The following ZNF169 variants were observed in gnomAD, a reference collection of about 807,000 sequenced individuals.
The protein encoded by ZNF169 is zinc finger protein 169.
Under a neutral mutation model 12.0 loss-of-function variants are expected in ZNF169, and 11 were observed. The observed-to-expected ratio is 0.92, with a 90% CI of 0.58 to 1.52. ZNF169 has a LOEUF of 1.52. Ranked by LOEUF, ZNF169 falls within the 40% of genes most tolerant of loss-of-function variation. ZNF169 has a pLI of 0.00. For synonymous variants in ZNF169, 302 were observed against 286.5 expected (o/e 1.05, Z -0.55); for missense variants, 722 against 744.0 (o/e 0.97, Z 0.34).
intron 1 of ZNF169, among the ~76,000 whole-genome samples, chr9:94,273,027 T>G (rs557190423): frequency 3.3e-5 from 5 of 151,520 alleles, no homozygotes; most frequent in African/African-American, 1.2e-4. Context: ...TATATCTTCT[T>G]TAGAGAAATG....
chr9:94,273,874 C>T (rs552690972), intron 1 of ZNF169, among the ~76,000 whole-genome samples: 4 of 152,250 alleles, frequency 2.6e-5, no homozygotes, highest in Middle Eastern at 3.4e-3. Flanking sequence ...CCACTGCGCC[C>T]GGCCAAAAGC....
intron 1 of ZNF169, among the ~76,000 whole-genome samples, chr9:94,264,137 CTT>C (rs1434369061): frequency 1.3e-5 from 2 of 151,622 alleles, no homozygotes; most frequent in Middle Eastern, 3.2e-3. Flanking sequence ...TATAAACAGT[CTT>C]TTATTTTATC....
chr9:94,276,872 A>G (rs1830529715), intron 1 of ZNF169, among the ~76,000 whole-genome samples: 1 of 152,136 alleles, frequency 6.6e-6, no homozygotes, highest in Non-Finnish European at 1.5e-5. Flanking sequence ...TGTTTCCTCC[A>G]TATCCAGAAT....
In ZNF169 at chr9:94,301,140, C is replaced by T. The variant is rs777157079; in HGVS notation, c.1582C>T (p.His528Tyr). 1.7e-5 allele frequency: 27 copies of T among 1,613,964 alleles called. No individual in the cohort carries two copies. The highest frequency in any genetic ancestry group is 2.3e-5 in the Non-Finnish European group (27 of 1,180,032). ...VCGQGLGQKS[H>Y]LISDQRTHSG... ...TGGACAAGGACTTGGCCAGAAGTCA[C>T]ACCTTATCTCTGACCAAAGGACACA... The change falls in exon 5 of 5, where the codon CAC becomes TAC. Residue 528 changes from histidine (H) to tyrosine (Y), a missense_variant. Coordinates refer to ENST00000395395, the MANE Select transcript of ZNF169 (RefSeq NM_194320.4).
Position 94,300,347 on chromosome 9 carries a change from G to A in ZNF169, c.789G>A (p.Leu263=). Residue 263 remains leucine, a synonymous_variant, in exon 5 of 5, where the codon CTG becomes CTA. Coordinates refer to ENST00000395395, the MANE Select transcript of ZNF169 (RefSeq NM_194320.4). ...CACACACCGGGGAGAAGCCATACCT[G>A]TGTCCTGAGTGTGGGCGTCGGTTTA... The part of the protein sequence containing the change: ...QRTHTGEKPY[L]CPECGRRFSQ... The A allele has an allele frequency of 6.2e-7, 1 of 1,614,100 alleles. No homozygotes were observed. The highest frequency in any genetic ancestry group is 2.2e-5 in the East Asian group (1 of 44,880).
At chr9:94,297,305 G>A (rs972324882) in intron 4 of ZNF169, among the ~76,000 whole-genome samples, 2 of 152,082 alleles carry the variant, frequency 1.3e-5, no homozygotes, top group African/African-American at 4.8e-5. Flanking sequence ...ATTTTTGTCG[G>A]CATTGTTTTG....
intron 1 of ZNF169, among the ~76,000 whole-genome samples, chr9:94,272,880 CTGTTTTGTTTTGTTT>C (rs534061540): frequency 1.3e-4 from 20 of 151,904 alleles, no homozygotes; most frequent in Non-Finnish European, 2.4e-4. Context: ...CACTTATTTT[CTGTTTTGTTTTGTTT>C]TGTTTTGTTT....
At chr9:94,279,999 G>A (rs992828603) in intron 2 of ZNF169, among the ~76,000 whole-genome samples, 8 of 152,216 alleles carry the variant, frequency 5.3e-5, no homozygotes, top group African/African-American at 1.9e-4. Context: ...ATAAATAGCT[G>A]CCAGGCAGGG....
intron 1 of ZNF169, among the ~76,000 whole-genome samples, chr9:94,263,404 G>A (rs555677941): frequency 6.6e-6 from 1 of 152,004 alleles, no homozygotes; most frequent in African/African-American, 2.4e-5. Context: ...AGCCATTTCA[G>A]TCTTGTTATG....
At chr9:94,274,947 T>C (rs1337147223) in intron 1 of ZNF169, among the ~76,000 whole-genome samples, 1 of 152,108 alleles carries the variant, frequency 6.6e-6, no homozygotes, top group African/African-American at 2.4e-5. Flanking sequence ...AAATCTGAAG[T>C]AGGGTTTTGA....
chr9:94,267,405 A>G (rs1186789480), intron 1 of ZNF169, among the ~76,000 whole-genome samples: 6 of 152,234 alleles, frequency 3.9e-5, no homozygotes, highest in African/African-American at 1.4e-4. Context: ...TTGGTAAAAC[A>G]ACCAGTTTTT....
At chr9:94,269,080 T>C (rs937050425) in intron 1 of ZNF169, among the ~76,000 whole-genome samples, 13 of 151,264 alleles carry the variant, frequency 8.6e-5, no homozygotes, top group Admixed American at 6.6e-4. Flanking sequence ...AAAAAAAAAA[T>C]TTTTCCTTCC....
At chr9:94,299,750 G>C in intron 4 of ZNF169, 65 bp from the exon 5 acceptor site, 3 of 1,536,054 alleles carry the variant, frequency 2.0e-6, no homozygotes, top group Admixed American at 2.1e-5. Flanking sequence ...GAAGAAAACT[G>C]CTGGGCAGGT....
intron 2 of ZNF169, chr9:94,288,307 C>T (rs1269339494): frequency 3.2e-5 from 28 of 869,422 alleles, no homozygotes; most frequent in Admixed American, 1.9e-4. Context: ...AACCTCAGTG[C>T]CTGGTGTGTT....
At chr9:94,272,994 T>A (rs10993137) in intron 1 of ZNF169, among the ~76,000 whole-genome samples, 14,164 of 152,228 alleles carry the variant, frequency 0.093, 1,138 homozygotes, top group East Asian at 0.37. Context: ...TGAACATCTT[T>A]TCATATGGTT....
At position 94,301,347 on chromosome 9, in the gene ZNF169, C is replaced by T; in HGVS notation, c.1789C>T (p.Leu597Phe). 3.1e-6 allele frequency: 5 copies of T among 1,612,670 alleles called. No homozygotes were observed. Among genetic ancestry groups the T allele is most frequent in the Non-Finnish European group, 3.4e-6 (4 of 1,179,008 alleles). ...RHRRTKSGHQLLPQEVF is the reference protein window; with the variant it reads ...RHRRTKSGHQFLPQEVF ...CAGGAGGACCAAGTCTGGTCATCAG[C>T]TCCTACCCCAAGAGGTCTTCTGACC... Residue 597 changes from leucine to phenylalanine, a missense_variant, in exon 5 of 5, where the codon CTC (leucine) becomes TTC (phenylalanine). Physicochemically the swap from Leu to Phe is conservative, Grantham distance 22 (BLOSUM62 0). Transcript: ENST00000395395.
At position 94,299,877 on chromosome 9, in the gene ZNF169, C is replaced by G; in HGVS notation, c.319C>G (p.Leu107Val). ...GGTGGCCTTTTCTAGCTCGCAGCTCCTCAGACAATATGCGCTAAGTGGCCA... is the reference window on the plus strand; with the variant it reads ...GGTGGCCTTTTCTAGCTCGCAGCTCGTCAGACAATATGCGCTAAGTGGCCA... ...HLVAFSSSQL[L>V]RQYALSGHPT... The change falls in exon 5 of 5, where the codon CTC becomes GTC. Residue 107 changes from leucine to valine, a missense_variant. Transcript: ENST00000395395. 6.2e-7 allele frequency: 1 copy of G among 1,614,168 alleles called. No individual in the cohort carries two copies. The highest frequency in any genetic ancestry group is 8.5e-7 in the Non-Finnish European group (1 of 1,180,048).
At chr9:94,277,333 A>G (rs1208660920) in intron 1 of ZNF169, among the ~76,000 whole-genome samples, 8 of 152,178 alleles carry the variant, frequency 5.3e-5, no homozygotes, top group Admixed American at 5.2e-4. Flanking sequence ...CAGACTTAAA[A>G]GGCTGCCTGG....
At position 94,300,970 on chromosome 9, in the gene ZNF169, TC is replaced by T. The variant is rs751107308; in HGVS notation, c.1413del (p.Thr472ProfsTer44). On this transcript the variant is annotated frameshift_variant, in exon 5 of 5. Coordinates refer to ENST00000395395, the MANE Select transcript of ZNF169 (RefSeq NM_194320.4). LOFTEE classifies it low-confidence loss of function (END_TRUNC). ...PDCGRGFGQK[V>X]TLIRHQRTHT... ...TGTGGGCGTGGCTTTGGTCAGAAGG[TC>T]ACCCTCATCAGACACCAGAGGACAC... 1 of 1,597,598 alleles carries T rather than the reference TC, an allele frequency of 6.3e-7. No homozygotes were observed. Among genetic ancestry groups the T allele is most frequent in the South Asian group, 1.1e-5 (1 of 90,328 alleles).
Sources: allele counts gnomAD v4.1 joint callset (sites outside exome capture counted in the v4.1 genomes callset), GRCh38; gene constraint gnomAD v4.1.1; transcripts MANE v1.5; gene names NCBI Gene and HGNC (gene_info 2026-07-23, HGNC 2026-07-21).